LGI2: variants seen among roughly 807,000 people sequenced by gnomAD.
The protein encoded by LGI2 is leucine rich repeat LGI family member 2, also known as leucine-rich repeat LGI family member 2.
In LGI2, 30 loss-of-function variants were observed where a neutral mutation model predicts 52.0. The ratio of observed to expected loss-of-function variants is 0.58; its 90% CI spans 0.43 to 0.78. LGI2 has a LOEUF of 0.78. LGI2 is among the 30% of genes least tolerant of loss of function. The probability of loss-of-function intolerance (pLI) is 0.00; values close to 1 mark genes in which losing one functional copy is unlikely to be tolerated. For missense variants in LGI2, 573 were observed against 692.5 expected, an observed-to-expected ratio of 0.83 and a Z score of 1.94; for synonymous variants, 270 against 271.8, an observed-to-expected ratio of 0.99 and a Z score of 0.06.
chr4:25,018,033 T>C lies in LGI2; in HGVS notation c.611A>G (p.Lys204Arg), dbSNP rs1361200747. The C allele has an allele frequency of 3.1e-6, 5 of 1,613,016 alleles. No individual in the cohort carries two copies. The highest frequency in any genetic ancestry group is 2.5e-6 in the Non-Finnish European group (3 of 1,179,830). ...GTCAAAGCTGGTCACGTCATTTAGC[T>C]TCTTTTCCTGATACTCTGGTGGACC... is the stretch of plus-strand genomic sequence containing the variant. ...CIGPPEYQEK[K>R]LNDVTSFDYE... is the part of the protein sequence containing the mutation. Residue 204 changes from lysine to arginine, a missense_variant, in exon 6 of 8, where the codon AAG (lysine) becomes AGG (arginine). Physicochemically the swap from Lys to Arg is conservative, Grantham distance 26 (BLOSUM62 2). Coordinates refer to ENST00000382114, the MANE Select transcript of LGI2 (RefSeq NM_018176.4).
chr4:25,022,132 G>A (rs1181476247), intron 4 of LGI2, among the ~76,000 whole-genome samples: 6 of 152,216 alleles, frequency 3.9e-5, no homozygotes, highest in Admixed American at 1.3e-4. Flanking sequence ...AGCTTCCAAC[G>A]TGCTGGGAGA....
chr4:25,011,883 C>A (rs1261281991), intron 7 of LGI2, among the ~76,000 whole-genome samples: 1 of 152,128 alleles, frequency 6.6e-6, no homozygotes, highest in Non-Finnish European at 1.5e-5. Flanking sequence ...AAGCAGTGAT[C>A]ACTAGGACTT....
chr4:24,999,866 C>G lies in LGI2; in HGVS notation c.*3585G>C. 2.2e-6 allele frequency: 1 copy of G among 456,166 alleles called. No homozygotes were observed. The highest frequency in any genetic ancestry group is 1.5e-5 in the South Asian group (1 of 64,536). 28.3% of individuals were successfully genotyped at this position (456,166 alleles called of 1,614,324 possible). A position where few individuals can be genotyped will look rare whatever the true frequency, so the allele number is the denominator to read the frequency against. ...AGCAATTCATCACCACTCGTGCATT[C>G]AGGTTTTGAATTTTTCCTTCACAGA... On this transcript the variant is annotated 3_prime_UTR_variant, in exon 8 of 8. Transcript: ENST00000382114.
At position 25,017,466 on chromosome 4, in the gene LGI2, C is replaced by T. The variant is rs1725805890; in HGVS notation, c.655+523G>A. Among the ~76,000 whole-genome samples the T allele has an allele frequency of 3.4e-5, 5 of 146,434 alleles. No individual in the cohort carries two copies. The South Asian group carries it at 1.1e-3, about 31-fold the overall frequency. On this transcript the variant is annotated intron_variant, in intron 6 of 7. Coordinates refer to ENST00000382114, the MANE Select transcript of LGI2 (RefSeq NM_018176.4). The stretch of plus-strand genomic sequence containing the variant: ...CTGAGGCAGGAGAATCGCTTGAACC[C>T]AGGAGGTGGAGATTGCAGTGAGTTG...
chr4:25,012,750 G>A (rs748601652), intron 6 of LGI2, among the ~76,000 whole-genome samples: 2 of 152,238 alleles, frequency 1.3e-5, no homozygotes, highest in South Asian at 2.1e-4. Flanking sequence ...ACAGCTTCCC[G>A]AGTTTGGCTA....
At chr4:25,010,885 C>T (rs142498307) in intron 7 of LGI2, among the ~76,000 whole-genome samples, 73 of 151,914 alleles carry the variant, frequency 4.8e-4, no homozygotes, top group African/African-American at 1.7e-3. Context: ...GAGTTTGAGA[C>T]CAGCCTGGGC....
chr4:25,021,023 G>A (rs1725941187), intron 4 of LGI2, among the ~76,000 whole-genome samples: 2 of 151,374 alleles, frequency 1.3e-5, no homozygotes, highest in Admixed American at 1.3e-4. Flanking sequence ...CAATGTTTTA[G>A]CTAATTAACA....
At position 24,999,836 on chromosome 4, in the gene LGI2, C is replaced by T. The variant is rs1173325653; in HGVS notation, c.*3615G>A. ...TGTGCTTCCTGAAGGCTGATGACGG[C>T]CGAGAGCAATTCATCACCACTCGTG... On this transcript the variant is annotated 3_prime_UTR_variant, in exon 8 of 8. Coordinates refer to ENST00000382114, the MANE Select transcript of LGI2 (RefSeq NM_018176.4). 2 of 456,192 alleles carry T rather than the reference C, an allele frequency of 4.4e-6. No individual in the cohort carries two copies. The highest frequency in any genetic ancestry group is 3.1e-5 in the South Asian group (2 of 64,526). 28.3% of individuals were successfully genotyped at this position (456,192 alleles called of 1,614,324 possible).
At chr4:25,018,860 TA>T (rs376229902) in intron 5 of LGI2, among the ~76,000 whole-genome samples, 1,824 of 139,508 alleles carry the variant, frequency 0.013, 4 homozygotes, top group African/African-American at 0.021. Context: ...AGACTACATC[TA>T]AAAAAAAAAA....
intron 7 of LGI2, among the ~76,000 whole-genome samples, chr4:25,007,589 G>C (rs1480655298): frequency 6.1e-4 from 49 of 79,856 alleles, no homozygotes; most frequent in Middle Eastern, 0.01. Context: ...GTGTGTGTGT[G>C]TGTGTGTGTG....
intron 6 of LGI2, among the ~76,000 whole-genome samples, chr4:25,013,811 CCT>C (rs1288077382): frequency 6.6e-6 from 1 of 152,090 alleles, no homozygotes. Flanking sequence ...CCCTCAATCC[CCT>C]CCCACCACCA....
chr4:25,015,906 C>G (rs1411415430), intron 6 of LGI2, among the ~76,000 whole-genome samples: 1 of 152,190 alleles, frequency 6.6e-6, no homozygotes, highest in Non-Finnish European at 1.5e-5. Context: ...AGAGCCTCAT[C>G]TCTGTTTGTG....
chr4:25,012,268 C>T (rs1414400816), intron 7 of LGI2, 67 bp downstream of exon 7: 2 of 1,555,552 alleles, frequency 1.3e-6, no homozygotes, highest in African/African-American at 1.4e-5. Flanking sequence ...AGAGGACATT[C>T]CTCCTCCCGC....
At position 25,007,828 on chromosome 4, in the gene LGI2, A is replaced by G. The variant is rs78065255; in HGVS notation, c.821-3560T>C. On this transcript the variant is annotated intron_variant, in intron 7 of 7. Coordinates refer to ENST00000382114, the MANE Select transcript of LGI2 (RefSeq NM_018176.4). ...CCATCCCTTTGGCAACATGGTCACC[A>G]GGCCTGCAAAGGAGGAAGTGCATGG... 7.2e-5 allele frequency among the ~76,000 whole-genome samples: 11 copies of G among 152,304 alleles called. No homozygotes were observed. In the East Asian group the frequency reaches 1.4e-3, roughly 19 times the overall value.
intron 6 of LGI2, among the ~76,000 whole-genome samples, chr4:25,017,443 G>A (rs144647202): frequency 0.012 from 1,805 of 149,806 alleles, 20 homozygotes; most frequent in Non-Finnish European, 0.022. Context: ...TCAGGAGGCT[G>A]AGGCAGGAGA....
Position 25,003,407 on chromosome 4 carries a change from T to A in LGI2, c.*44A>T. 1 of 1,354,240 alleles carries A rather than the reference T, an allele frequency of 7.4e-7. No individual in the cohort carries two copies. Among genetic ancestry groups the A allele is most frequent in the Non-Finnish European group, 1.0e-6 (1 of 990,352 alleles). The allele number at this position is 1,354,240 out of a possible 1,614,324, so 83.9% of individuals were successfully genotyped here. On this transcript the variant is annotated 3_prime_UTR_variant, in exon 8 of 8. Transcript: ENST00000382114. ...GTTGATTTTTCTTGGTCCTCTTTTG[T>A]GAGAGCTAATGCTACATTTCTCTTA... is the stretch of plus-strand genomic sequence containing the variant.
At chr4:25,026,516 C>T (rs181221991) in intron 3 of LGI2, among the ~76,000 whole-genome samples, 220 of 152,228 alleles carry the variant, frequency 1.4e-3, no homozygotes, top group African/African-American at 5.1e-3. Flanking sequence ...CTCAGAACCC[C>T]GCAGCTCTAT....
downstream of LGI2, among the ~76,000 whole-genome samples, chr4:24,998,316 G>A (rs985333238): frequency 2.6e-5 from 4 of 152,200 alleles, no homozygotes; most frequent in Non-Finnish European, 5.9e-5. Flanking sequence ...ATAGCATATG[G>A]AAGTACTTGA....
At chr4:25,022,753 C>A (rs1726013676) in intron 4 of LGI2, among the ~76,000 whole-genome samples, 2 of 152,200 alleles carry the variant, frequency 1.3e-5, no homozygotes. Context: ...CGCATGATAC[C>A]TGCTTGTTCA....
Sources: gnomAD v4.1 joint callset for allele counts (sites outside exome capture counted in the v4.1 genomes callset) on GRCh38, gnomAD v4.1.1 for gene constraint, MANE v1.5 for transcripts, NCBI Gene and HGNC (gene_info 2026-07-23, HGNC 2026-07-21) for gene names.